The following RPH3AL variants were observed in gnomAD, a reference collection of about 807,000 sequenced individuals.
The protein encoded by RPH3AL is rabphilin 3A like (without C2 domains).
A neutral mutation model predicts 43.1 loss-of-function variants in RPH3AL; 38 were observed. That is an observed-to-expected ratio of 0.88 (90% CI 0.68 to 1.15). RPH3AL has a LOEUF of 1.15. RPH3AL is among the 50% of genes most tolerant of loss of function. The pLI, the probability that RPH3AL is intolerant of heterozygous loss-of-function variation, is 0.00. For synonymous variants in RPH3AL, 189 were observed against 176.3 expected, an observed-to-expected ratio of 1.07 and a Z score of -0.57; for missense variants, 462 against 423.2, an observed-to-expected ratio of 1.09 and a Z score of -0.81.
chr17:268,558 T>C (rs918269649), intron 6 of RPH3AL, among the ~76,000 whole-genome samples: 4 of 128,314 alleles, frequency 3.1e-5, no homozygotes, highest in African/African-American at 1.2e-4. Flanking sequence ...TTTGGGTTTT[T>C]TTTTTTTTTT....
At chr17:214,809 G>C (rs1244712524) in intron 9 of RPH3AL, 8 of 152,892 alleles carry the variant, frequency 5.2e-5, no homozygotes, top group Admixed American at 2.6e-4. Context: ...TCAACCTGGG[G>C]GTCTGCTCAA....
chr17:315,694 C>T (rs2044044540), intron 5 of RPH3AL, among the ~76,000 whole-genome samples: 6 of 152,296 alleles, frequency 3.9e-5, no homozygotes, highest in Non-Finnish European at 2.9e-5. Flanking sequence ...ACCCCACCTC[C>T]ATTGACCTGT....
At chr17:244,235 T>C (rs1555538714) in intron 7 of RPH3AL, among the ~76,000 whole-genome samples, 1 of 149,356 alleles carries the variant, frequency 6.7e-6, no homozygotes, top group African/African-American at 2.5e-5. Context: ...TTACCCTTCC[T>C]CTATTGATTA....
At chr17:238,498 G>A (rs182703174) in intron 7 of RPH3AL, among the ~76,000 whole-genome samples, 16 of 152,284 alleles carry the variant, frequency 1.1e-4, no homozygotes, top group East Asian at 3.9e-4. Flanking sequence ...TCGCTTCCGC[G>A]CGTAGTGACT....
At chr17:329,004 G>C (rs769028522) in intron 2 of RPH3AL, among the ~76,000 whole-genome samples, 1 of 152,184 alleles carries the variant, frequency 6.6e-6, no homozygotes, top group Non-Finnish European at 1.5e-5. Context: ...CTCCCAGTGG[G>C]TTCAGGACTT....
At chr17:265,243 T>G (rs574520159) in intron 6 of RPH3AL, among the ~76,000 whole-genome samples, 1 of 152,212 alleles carries the variant, frequency 6.6e-6, no homozygotes, top group South Asian at 2.1e-4. Context: ...CATGCCACCA[T>G]GCCCAGCTAA....
At chr17:242,062 A>T (rs2041552160) in intron 7 of RPH3AL, among the ~76,000 whole-genome samples, 1 of 152,176 alleles carries the variant, frequency 6.6e-6, no homozygotes, top group Non-Finnish European at 1.5e-5. Context: ...GGTTGCAGTG[A>T]GCAGAGATCA....
rs1279127357 is a variant in RPH3AL, at chr17:219,636, G to C, written c.714C>G (p.Pro238=). 2.5e-6 allele frequency: 4 copies of C among 1,590,906 alleles called. No individual in the cohort carries two copies. The highest frequency in any genetic ancestry group is 3.4e-6 in the Non-Finnish European group (4 of 1,168,552). Residue 238 remains proline, a synonymous_variant, in exon 8 of 10, where the codon CCC becomes CCG. Transcript: ENST00000331302. ...TCCCCACCTTACCTGACTCCTTCCAGGGTTTGTCGCCTTTCCGGTCCCTGA... is the reference window on the plus strand; with the variant it reads ...TCCCCACCTTACCTGACTCCTTCCACGGTTTGTCGCCTTTCCGGTCCCTGA... The part of the protein sequence containing the change: ...TGVRDRKGDK[P]WKESGGSVEA...
chr17:272,737 C>A (rs1044656722), intron 6 of RPH3AL, among the ~76,000 whole-genome samples: 1 of 147,550 alleles, frequency 6.8e-6, no homozygotes, highest in Non-Finnish European at 1.5e-5. Context: ...GCACATGTAC[C>A]CTAGAACTTA....
chr17:294,832 A>C (rs1204926727), intron 5 of RPH3AL, among the ~76,000 whole-genome samples: 1 of 58,560 alleles, frequency 1.7e-5, no homozygotes, highest in African/African-American at 6.5e-5. Context: ...GCAGAAATGG[A>C]TGGACAGAGG....
At chr17:219,242 A>T (rs2151498020) in intron 8 of RPH3AL, among the ~76,000 whole-genome samples, 2 of 110,992 alleles carry the variant, frequency 1.8e-5, no homozygotes, top group South Asian at 3.2e-4. Flanking sequence ...ATCTGTCGCC[A>T]GGCTGGAGTT....
In RPH3AL at chr17:322,270, T is replaced by C. The variant is rs1175134944; in HGVS notation, c.78-855A>G. ...TCTATTTTTCTGGACAGGGAGAGAG[T>C]GGCAGCAGCAGATCAAACCCCGGAG... On this transcript the variant is annotated intron_variant, in intron 3 of 9. Coordinates refer to ENST00000331302, the MANE Select transcript of RPH3AL (RefSeq NM_006987.4). This position sits in a 1 kb window ranked among gnomAD's most constrained non-coding sequence, Gnocchi z 4.0. The C allele has an allele frequency of 6.6e-6, 1 of 151,536 alleles. No homozygotes were observed. The highest frequency in any genetic ancestry group is 2.4e-5 in the African/African-American group (1 of 41,158). 9.4% of individuals were successfully genotyped at this position (151,536 alleles called of 1,614,324 possible).
At chr17:330,870 A>C (rs1159610362) in intron 2 of RPH3AL, 1 of 134,852 alleles carries the variant, frequency 7.4e-6, no homozygotes, top group Non-Finnish European at 1.6e-5. Flanking sequence ...AGCGAGACAT[A>C]ATCTCAAAAA....
At chr17:282,226 C>T (rs9901478) in intron 5 of RPH3AL, among the ~76,000 whole-genome samples, 135,212 of 152,292 alleles carry the variant, frequency 0.89, 60,755 homozygotes, top group Non-Finnish European at 0.95. Context: ...ACACAGCCGA[C>T]GGCGGTGCTG....
intron 1 of RPH3AL, among the ~76,000 whole-genome samples, chr17:337,160 G>C (rs2044979650): frequency 6.6e-6 from 1 of 151,818 alleles, no homozygotes; most frequent in African/African-American, 2.4e-5. Context: ...CCGTTGCCCA[G>C]GCTGGAGTGC....
At chr17:278,601 T>TG (rs1445423999) in intron 6 of RPH3AL, among the ~76,000 whole-genome samples, 1 of 152,114 alleles carries the variant, frequency 6.6e-6, no homozygotes, top group Non-Finnish European at 1.5e-5. Context: ...ATTTTGTCGG[T>TG]GGGCCCCTCT....
chr17:331,836 C>T, intron 2 of RPH3AL: 3 of 1,289,188 alleles, frequency 2.3e-6, no homozygotes, highest in Non-Finnish European at 3.0e-6. Flanking sequence ...GTGCCCTGTG[C>T]ATTAAACACA....
At chr17:327,126 C>T (rs904343179) in intron 3 of RPH3AL, among the ~76,000 whole-genome samples, 14 of 151,874 alleles carry the variant, frequency 9.2e-5, no homozygotes, top group Non-Finnish European at 7.3e-5. Context: ...AGAAGGCACA[C>T]GAGGTGGTGT....
At chr17:329,247 A>T (rs545732006) in intron 2 of RPH3AL, among the ~76,000 whole-genome samples, 2 of 152,252 alleles carry the variant, frequency 1.3e-5, no homozygotes, top group East Asian at 3.9e-4. Context: ...CCAAGGCAGG[A>T]GGATTGCTTG....
Sources: allele counts gnomAD v4.1 joint callset (sites outside exome capture counted in the v4.1 genomes callset), GRCh38; gene constraint gnomAD v4.1.1; non-coding constraint Gnocchi (gnomAD v3.1); transcripts MANE v1.5; gene names NCBI Gene and HGNC (gene_info 2026-07-23, HGNC 2026-07-21).